WWP2: variants seen among roughly 807,000 people sequenced by gnomAD.
WWP2 encodes NEDD4-like E3 ubiquitin-protein ligase WWP2.
WWP2 carries 57 observed loss-of-function variants against 121.0 expected under a neutral mutation model. That is an observed-to-expected ratio of 0.47 (90% confidence interval 0.38 to 0.59). The LOEUF (loss-of-function observed/expected upper bound fraction) is 0.59. WWP2 is among the 20% of genes least tolerant of loss of function. The pLI, the probability that WWP2 is intolerant of heterozygous loss-of-function variation, is 0.00. For missense variants in WWP2, 962 were observed against 1,158.9 expected, an observed-to-expected ratio of 0.83 and a Z score of 2.47; for synonymous variants, 449 against 441.3, an observed-to-expected ratio of 1.02 and a Z score of -0.22.
At chr16:69,776,798 A>T (rs1156870219) in intron 1 of WWP2, among the ~76,000 whole-genome samples, 1 of 151,838 alleles carries the variant, frequency 6.6e-6, no homozygotes, top group African/African-American at 2.4e-5. Flanking sequence ...ATTGCACTCC[A>T]GCCTGGGCAA....
chr16:69,772,457 A>G (rs1399904415), intron 1 of WWP2, among the ~76,000 whole-genome samples: 3 of 152,150 alleles, frequency 2.0e-5, no homozygotes, highest in African/African-American at 7.2e-5. Context: ...CCTGGAAAGA[A>G]TTCAAGGGCA....
intron 4 of WWP2, chr16:69,838,792 A>G (rs1195557216): frequency 1.0e-6 from 1 of 985,394 alleles, no homozygotes; most frequent in Non-Finnish European, 1.2e-6. Flanking sequence ...GGCTGAAAAT[A>G]GCAGCAGACT....
At chr16:69,839,299 G>T (rs904315124) in intron 4 of WWP2, among the ~76,000 whole-genome samples, 2 of 152,182 alleles carry the variant, frequency 1.3e-5, no homozygotes, top group Non-Finnish European at 2.9e-5. Flanking sequence ...CTCCTGGCTG[G>T]ACTGAACTGA....
At chr16:69,876,552 C>T (rs2057739890) in intron 7 of WWP2, among the ~76,000 whole-genome samples, 1 of 151,514 alleles carries the variant, frequency 6.6e-6, no homozygotes, top group East Asian at 2.0e-4. Flanking sequence ...TTAGTAGAGA[C>T]AGGGTGTCAT....
chr16:69,899,819 T>A (rs2058173356), intron 8 of WWP2, among the ~76,000 whole-genome samples: 1 of 152,150 alleles, frequency 6.6e-6, no homozygotes, highest in Non-Finnish European at 1.5e-5. Flanking sequence ...CTTAGTGTTA[T>A]GTTTAATAAT....
At chr16:69,767,035 T>A (rs1312627447) in intron 1 of WWP2, among the ~76,000 whole-genome samples, 1 of 150,788 alleles carries the variant, frequency 6.6e-6, no homozygotes, top group Non-Finnish European at 1.5e-5. Context: ...ATAGGGGTTT[T>A]GTTTTTTTTT....
At position 69,799,284 on chromosome 16, in the gene WWP2, A is replaced by G. The variant is rs758691107; in HGVS notation, c.329A>G (p.Asn110Ser). The change falls in exon 4 of 24, where the codon AAT becomes AGT. Residue 110 changes from asparagine to serine, a missense_variant. Physicochemically the swap from Asn to Ser is conservative, Grantham distance 46. This residue lies in a region of WWP2 where 145 missense variants were observed against 189.8 expected (regional missense o/e 0.76). Coordinates refer to ENST00000359154, the MANE Select transcript of WWP2 (RefSeq NM_001270454.2). The surrounding 1 kb of genome is among the most constrained non-coding windows in gnomAD (Gnocchi z 4.5). ...SVNLSNVLKN[N>S]GGKMENMQLT... is the part of the protein sequence containing the mutation. The stretch of plus-strand genomic sequence containing the variant: ...AACCTCTCCAACGTCTTGAAGAACA[A>G]TGGGGGCAAAAGTACGTATGATGAA... 1 of 1,613,796 alleles carries G rather than the reference A, an allele frequency of 6.2e-7. No homozygotes were observed. The highest frequency in any genetic ancestry group is 8.5e-7 in the Non-Finnish European group (1 of 1,179,910).
At chr16:69,882,550 A>G (rs1168378498) in intron 7 of WWP2, among the ~76,000 whole-genome samples, 2 of 152,222 alleles carry the variant, frequency 1.3e-5, no homozygotes, top group South Asian at 2.1e-4. Flanking sequence ...CACATCAGCA[A>G]AGTCAAAACA....
intron 4 of WWP2, among the ~76,000 whole-genome samples, chr16:69,825,631 G>GTT (rs1261596251): frequency 9.2e-5 from 13 of 141,022 alleles, no homozygotes; most frequent in Admixed American, 2.1e-4. Flanking sequence ...TTTTTTTTTG[G>GTT]TTTTTTTTTT....
chr16:69,854,513 G>A (rs1225888701), intron 6 of WWP2, among the ~76,000 whole-genome samples: 2 of 151,754 alleles, frequency 1.3e-5, no homozygotes, highest in African/African-American at 2.4e-5. Flanking sequence ...CCTTTCAAAC[G>A]TTGAATCAAT....
chr16:69,793,911 CTTTTTTTTTTTTTTT>C (rs71151135), intron 2 of WWP2, among the ~76,000 whole-genome samples: 3 of 62,312 alleles, frequency 4.8e-5, no homozygotes, highest in African/African-American at 1.9e-4. Context: ...ATTATCCTTG[CTTTTTTTTTTTTTTT>C]TTTTTTTTTT....
intron 4 of WWP2, among the ~76,000 whole-genome samples, chr16:69,802,793 G>A (rs749924743): frequency 7.9e-5 from 12 of 151,664 alleles, no homozygotes; most frequent in South Asian, 4.2e-4. Flanking sequence ...TAGTAGAGAC[G>A]GGAGTTTCAC....
intron 4 of WWP2, among the ~76,000 whole-genome samples, chr16:69,836,872 C>T (rs2056886080): frequency 6.6e-6 from 1 of 152,084 alleles, no homozygotes; most frequent in Admixed American, 6.5e-5. Context: ...CATCGCAGCC[C>T]ATCTCAGCCT....
Position 69,796,934 on chromosome 16 carries a change from T to C in WWP2, c.71-1748T>C, listed in dbSNP as rs546249900. ...GGCCTTTGCCAAGTTGTAGACACCA[T>C]TGTAGGACTGTCACCTTTCAGAAGA... On this transcript the variant is annotated intron_variant, in intron 2 of 23. Transcript: ENST00000359154. 1.1e-4 allele frequency among the ~76,000 whole-genome samples: 16 copies of C among 152,356 alleles called. 1 individual carries two copies. In the East Asian group the frequency reaches 2.3e-3, roughly 22 times the overall value.
chr16:69,776,049 A>G (rs1051890706), intron 1 of WWP2: 2 of 152,214 alleles, frequency 1.3e-5, no homozygotes, highest in African/African-American at 4.8e-5. Flanking sequence ...CTGTTGTTGT[A>G]CTGGAGCCCT....
intron 6 of WWP2, among the ~76,000 whole-genome samples, chr16:69,858,523 C>T (rs2057359957): frequency 6.6e-6 from 1 of 151,924 alleles, no homozygotes; most frequent in Non-Finnish European, 1.5e-5. Context: ...CGCCCTTTAT[C>T]ACAGCCGCCT....
intron 6 of WWP2, among the ~76,000 whole-genome samples, chr16:69,847,367 G>A (rs1001133456): frequency 1.3e-5 from 2 of 150,164 alleles, no homozygotes; most frequent in African/African-American, 4.9e-5. Flanking sequence ...TTACAGGCAT[G>A]AGCCACCATG....
At chr16:69,844,147 G>A (rs946916010) in intron 6 of WWP2, among the ~76,000 whole-genome samples, 2 of 152,042 alleles carry the variant, frequency 1.3e-5, no homozygotes, top group South Asian at 4.2e-4. Flanking sequence ...CTGTAAAGGC[G>A]TTGCCTCACT....
intron 4 of WWP2, among the ~76,000 whole-genome samples, chr16:69,804,587 T>A (rs567296530): frequency 2.0e-5 from 3 of 152,344 alleles, no homozygotes; most frequent in Middle Eastern, 3.4e-3. Context: ...TATTGTAAAA[T>A]TATGTTTTAA....
Sources: allele counts gnomAD v4.1 joint callset (sites outside exome capture counted in the v4.1 genomes callset), GRCh38; gene constraint gnomAD v4.1.1; regional missense constraint gnomAD v4.1.1; non-coding constraint Gnocchi (gnomAD v3.1); transcripts MANE v1.5; gene names NCBI Gene and HGNC (gene_info 2026-07-23, HGNC 2026-07-21).